Variants in FBXO40 observed in about 807,000 individuals in gnomAD.
The protein encoded by FBXO40 is F-box protein 40.
Under a neutral mutation model 49.9 loss-of-function variants are expected in FBXO40, and 50 were observed. That is an observed-to-expected ratio of 1.00 (90% CI 0.80 to 1.27). FBXO40 has a LOEUF of 1.27. FBXO40 is among the 50% of genes most tolerant of loss of function. The probability of loss-of-function intolerance (pLI) is 0.00; values close to 1 mark genes in which losing one functional copy is unlikely to be tolerated. For missense variants in FBXO40, 895 were observed against 870.1 expected, an observed-to-expected ratio of 1.03 and a Z score of -0.36; for synonymous variants, 340 against 320.2, an observed-to-expected ratio of 1.06 and a Z score of -0.66.
At chr3:121,604,688 A>T (rs548622347) in intron 1 of FBXO40, among the ~76,000 whole-genome samples, 1 of 152,342 alleles carries the variant, frequency 6.6e-6, no homozygotes, top group East Asian at 1.9e-4. Flanking sequence ...CCTGTGCCGC[A>T]GTCAGAGTAT....
intron 1 of FBXO40, among the ~76,000 whole-genome samples, chr3:121,612,610 A>T (rs2048972271): frequency 6.6e-6 from 1 of 152,042 alleles, no homozygotes; most frequent in African/African-American, 2.4e-5. Flanking sequence ...TTAAATCCTT[A>T]TCCTGACTAA....
At chr3:121,612,929 GC>G (rs1454982324) in intron 1 of FBXO40, among the ~76,000 whole-genome samples, 1 of 152,022 alleles carries the variant, frequency 6.6e-6, no homozygotes, top group Non-Finnish European at 1.5e-5. Flanking sequence ...AATTAGCCAG[GC>G]ATGGTGGCGG....
intron 2 of FBXO40, 39 bp downstream of exon 2, chr3:121,620,617 G>T (rs1185003995): frequency 6.2e-7 from 1 of 1,613,584 alleles, no homozygotes; most frequent in Admixed American, 1.7e-5. Flanking sequence ...ACCATTGAGA[G>T]GTCCAGGTCT....
chr3:121,605,680 A>C (rs1251345328), intron 1 of FBXO40, among the ~76,000 whole-genome samples: 1 of 152,238 alleles, frequency 6.6e-6, no homozygotes. Context: ...CCAGTGCAAG[A>C]AACTTTTCTG....
intron 1 of FBXO40, among the ~76,000 whole-genome samples, chr3:121,597,787 G>A (rs1322255787): frequency 2.7e-5 from 4 of 149,066 alleles, no homozygotes; most frequent in East Asian, 2.0e-4. Flanking sequence ...TCAGTCTCCC[G>A]AGCGTCTGGG....
Position 121,626,953 on chromosome 3 carries a change from CGGAGTTCCTGAAGTAGGACAGAGTGTGTG to C in FBXO40, c.*45_*73del, listed in dbSNP as rs1161634238. 8.2e-6 allele frequency: 13 copies of C among 1,586,676 alleles called. No individual in the cohort carries two copies. The highest frequency in any genetic ancestry group is 1.1e-5 in the Non-Finnish European group (13 of 1,156,678). On this transcript the variant is annotated 3_prime_UTR_variant, in exon 4 of 4. Transcript: ENST00000338040. The stretch of plus-strand genomic sequence containing the variant: ...GATGCACCCTTCTTGGATTTCTTCT[CGGAGTTCCTGAAGTAGGACAGAGTGTGTG>C]GTTTTGAGGACTCCCTTCTGTAAAC...
rs1244977400 is a variant in FBXO40, at chr3:121,627,425, A to G, written c.*515A>G. The G allele has an allele frequency of 5.9e-6, 1 of 169,906 alleles. No homozygotes were observed. The highest frequency in any genetic ancestry group is 2.4e-5 in the African/African-American group (1 of 41,900). The allele number at this position is 169,906 out of a possible 1,614,324, so 10.5% of individuals were successfully genotyped here. Reference sequence around the variant, plus strand: ...GTTTTGACGGTCAAGTCCAGGGCTCATTTTGGTTATTCTACTGCCTCTAGG... The same window carrying G: ...GTTTTGACGGTCAAGTCCAGGGCTCGTTTTGGTTATTCTACTGCCTCTAGG... On this transcript the variant is annotated 3_prime_UTR_variant, in exon 4 of 4. Transcript: ENST00000338040.
intron 1 of FBXO40, among the ~76,000 whole-genome samples, chr3:121,603,226 T>G (rs759500932): frequency 7.9e-5 from 12 of 152,280 alleles, no homozygotes; most frequent in Middle Eastern, 6.8e-3. Flanking sequence ...GATTCTCAGA[T>G]TCCCACAGGC....
At chr3:121,611,273 C>G (rs1054189247) in intron 1 of FBXO40, among the ~76,000 whole-genome samples, 1 of 152,188 alleles carries the variant, frequency 6.6e-6, no homozygotes, top group East Asian at 1.9e-4. Flanking sequence ...TCTGAGTTCC[C>G]TCAGTTTTTT....
intron 1 of FBXO40, among the ~76,000 whole-genome samples, chr3:121,601,323 C>T (rs2048899934): frequency 6.6e-6 from 1 of 152,120 alleles, no homozygotes; most frequent in Non-Finnish European, 1.5e-5. Flanking sequence ...ACTCACCGTG[C>T]CTTTCTGCTC....
intron 1 of FBXO40, among the ~76,000 whole-genome samples, chr3:121,598,395 T>C (rs999479025): frequency 6.6e-6 from 1 of 152,244 alleles, no homozygotes; most frequent in East Asian, 1.9e-4. Flanking sequence ...AATTACGCCT[T>C]CTGCTGGTAA....
intron 1 of FBXO40, among the ~76,000 whole-genome samples, chr3:121,599,468 CAAAAA>C (rs35637771): frequency 1.1e-5 from 1 of 91,670 alleles, no homozygotes. Context: ...GACTCTGACT[CAAAAA>C]AAAAAAAAAA....
chr3:121,626,791 A>G lies in FBXO40; in HGVS notation c.2011A>G (p.Ile671Val), dbSNP rs1293539300. Residue 671 changes from isoleucine (I) to valine (V), a missense_variant, in exon 4 of 4, where the codon ATT (isoleucine) becomes GTT (valine). Coordinates refer to ENST00000338040, the MANE Select transcript of FBXO40 (RefSeq NM_016298.4). The part of the protein sequence containing the change: ...SEHLKSCPFN[I>V]VEHKTDPILL... ...GCACCTGAAGTCCTGTCCTTTCAAC[A>G]TTGTAGAGCACAAAACTGACCCGAT... 6.2e-7 allele frequency: 1 copy of G among 1,614,152 alleles called. No individual in the cohort carries two copies. Among genetic ancestry groups the G allele is most frequent in the Non-Finnish European group, 8.5e-7 (1 of 1,180,028 alleles).
At chr3:121,614,902 C>T (rs185556709) in intron 1 of FBXO40, among the ~76,000 whole-genome samples, 3 of 152,316 alleles carry the variant, frequency 2.0e-5, no homozygotes, top group Admixed American at 2.0e-4. Context: ...TGGATTCTCA[C>T]AGGAAAGGAT....
At chr3:121,595,316 A>G (rs1190990057) in intron 1 of FBXO40, among the ~76,000 whole-genome samples, 2 of 152,188 alleles carry the variant, frequency 1.3e-5, no homozygotes, top group South Asian at 2.1e-4. Flanking sequence ...AAGGTCTCCA[A>G]GGTGTATGCT....
rs749505392 is a variant in FBXO40, at chr3:121,621,564, C to T, written c.135C>T (p.Thr45=). The change falls in exon 3 of 4, where the codon ACC becomes ACT. Residue 45 remains threonine (T), a synonymous_variant. Transcript: ENST00000338040. ...VISCHLLCGA[T]FHMCKEAEHQ... is the part of the protein sequence containing the mutation. ...GCTGCCACCTGCTCTGTGGTGCCACCTTCCACATGTGCAAAGAGGCAGAGC... is the reference window on the plus strand; with the variant it reads ...GCTGCCACCTGCTCTGTGGTGCCACTTTCCACATGTGCAAAGAGGCAGAGC... 6.2e-7 allele frequency: 1 copy of T among 1,614,222 alleles called. No homozygotes were observed. The highest frequency in any genetic ancestry group is 1.3e-5 in the African/African-American group (1 of 75,056).
chr3:121,609,367 C>T (rs556748427), intron 1 of FBXO40, among the ~76,000 whole-genome samples: 10 of 151,126 alleles, frequency 6.6e-5, no homozygotes, highest in Non-Finnish European at 1.2e-4. Flanking sequence ...TCTGAGTTCT[C>T]TTTAGTTGGG....
At chr3:121,597,726 A>G (rs984609491) in intron 1 of FBXO40, among the ~76,000 whole-genome samples, 14 of 132,566 alleles carry the variant, frequency 1.1e-4, no homozygotes, top group Non-Finnish European at 1.8e-4. Flanking sequence ...CAGTGGCATG[A>G]TCTTGGCTCA....
At chr3:121,609,232 T>TA (rs1057007492) in intron 1 of FBXO40, among the ~76,000 whole-genome samples, 2 of 151,866 alleles carry the variant, frequency 1.3e-5, no homozygotes, top group Non-Finnish European at 2.9e-5. Flanking sequence ...TAGTAAATAA[T>TA]AAAAAAATTT....
Sources: gnomAD v4.1 joint callset for allele counts (sites outside exome capture counted in the v4.1 genomes callset) on GRCh38, gnomAD v4.1.1 for gene constraint, MANE v1.5 for transcripts, NCBI Gene and HGNC (gene_info 2026-07-23, HGNC 2026-07-21) for gene names.